The following CNTNAP2 variants were observed in gnomAD, a reference collection of about 807,000 sequenced individuals.
CNTNAP2 encodes contactin-associated protein-like 2.
A neutral mutation model predicts 155.2 loss-of-function variants in CNTNAP2; 98 were observed. That is an observed-to-expected ratio of 0.63 (90% confidence interval 0.54 to 0.75). The LOEUF is 0.75. Among genes scored for constraint, CNTNAP2 ranks in the 30% least tolerant of loss-of-function variants. The probability of loss-of-function intolerance (pLI) is 0.00; values close to 1 mark genes in which losing one functional copy is unlikely to be tolerated. For missense variants in CNTNAP2, 1,727 were observed against 1,688.1 expected (o/e 1.02, Z -0.40); for synonymous variants, 651 against 631.2 (o/e 1.03, Z -0.47).
intron 1 of CNTNAP2, among the ~76,000 whole-genome samples, chr7:146,523,047 G>A (rs1797637367): frequency 6.6e-6 from 1 of 151,780 alleles, no homozygotes; most frequent in Non-Finnish European, 1.5e-5. Flanking sequence ...TTGCTTACAT[G>A]AGTAAGTTCT....
intron 13 of CNTNAP2, among the ~76,000 whole-genome samples, chr7:147,842,657 A>G (rs1798771421): frequency 1.1e-5 from 1 of 93,332 alleles, no homozygotes; most frequent in African/African-American, 4.4e-5. Flanking sequence ...TTAGTTACAT[A>G]TGTATACATG....
chr7:147,948,843 T>C (rs1800868702), intron 14 of CNTNAP2, among the ~76,000 whole-genome samples: 1 of 152,062 alleles, frequency 6.6e-6, no homozygotes, highest in Non-Finnish European at 1.5e-5. Flanking sequence ...ACCACATATT[T>C]TGTATGTTAT....
At position 146,880,191 on chromosome 7, in the gene CNTNAP2, G is replaced by A. The variant is rs114937745; in HGVS notation, c.402+40287G>A. 2.5e-3 allele frequency among the ~76,000 whole-genome samples: 386 copies of A among 152,174 alleles called. 3 individuals carry two copies. Among genetic ancestry groups the A allele is most frequent in the African/African-American group, 8.6e-3 (356 of 41,528 alleles). ...GTTTATGTCCTCCACAAATTCACAT[G>A]TTGAAAGCCTAATACCTATTGCTAT... On this transcript the variant is annotated intron_variant, in intron 3 of 23. Transcript: ENST00000361727.
intron 9 of CNTNAP2, 26 bp downstream of exon 9, chr7:147,300,316 A>C: frequency 1.2e-6 from 2 of 1,613,434 alleles, no homozygotes; most frequent in African/African-American, 1.3e-5. Flanking sequence ...CTTTTTGGTT[A>C]CTAATCCATT....
Position 146,323,839 on chromosome 7 carries a change from G to A in CNTNAP2, c.97+206866G>A, listed in dbSNP as rs566962623. ...TAGAGTTCCTTATTTCATAATAAAT[G>A]CATCATTTATTAACATTGCTCCATT... On this transcript the variant is annotated intron_variant, in intron 1 of 23. Transcript: ENST00000361727. 6.6e-5 allele frequency among the ~76,000 whole-genome samples: 10 copies of A among 152,216 alleles called. 1 individual carries two copies. In the East Asian group the frequency reaches 9.7e-4, roughly 15 times the overall value.
intron 13 of CNTNAP2, among the ~76,000 whole-genome samples, chr7:147,725,427 C>G (rs10155998): frequency 0.081 from 12,308 of 152,074 alleles, 1,209 homozygotes; most frequent in African/African-American, 0.23. Context: ...CTTAATGCTT[C>G]AGAAATTGTT....
intron 1 of CNTNAP2, among the ~76,000 whole-genome samples, chr7:146,304,656 C>G (rs2129089071): frequency 6.6e-6 from 1 of 152,264 alleles, no homozygotes; most frequent in African/African-American, 2.4e-5. Flanking sequence ...GTCTCATGGG[C>G]TTCCCTTTGT....
At chr7:147,604,333 G>A (rs1182974894) in intron 12 of CNTNAP2, among the ~76,000 whole-genome samples, 1 of 151,964 alleles carries the variant, frequency 6.6e-6, no homozygotes, top group African/African-American at 2.4e-5. Flanking sequence ...ATCTGACAAA[G>A]GGCTAATATC....
At chr7:147,909,481 C>A (rs2116761442) in intron 14 of CNTNAP2, among the ~76,000 whole-genome samples, 1 of 152,258 alleles carries the variant, frequency 6.6e-6, no homozygotes, top group Non-Finnish European at 1.5e-5. Context: ...AACGAAGCTG[C>A]AATGGCCTGT....
At chr7:147,836,245 G>A (rs143037053) in intron 13 of CNTNAP2, among the ~76,000 whole-genome samples, 18 of 152,132 alleles carry the variant, frequency 1.2e-4, no homozygotes, top group South Asian at 4.2e-4. Flanking sequence ...CACACGTAAC[G>A]GCTCCCCTAA....
chr7:146,869,854 G>A (rs956980433), intron 3 of CNTNAP2, among the ~76,000 whole-genome samples: 13 of 152,092 alleles, frequency 8.5e-5, no homozygotes, highest in Non-Finnish European at 1.6e-4. Context: ...ATGTGGGTAC[G>A]TCTTCCTCTC....
chr7:147,910,389 C>A (rs1800040347), intron 14 of CNTNAP2, among the ~76,000 whole-genome samples: 1 of 152,088 alleles, frequency 6.6e-6, no homozygotes, highest in South Asian at 2.1e-4. Flanking sequence ...CATATTTTGT[C>A]TTTATTTTAG....
At chr7:147,175,533 C>A (rs1323201638) in intron 8 of CNTNAP2, among the ~76,000 whole-genome samples, 3 of 152,118 alleles carry the variant, frequency 2.0e-5, no homozygotes, top group Non-Finnish European at 2.9e-5. Context: ...AGAACCTGCC[C>A]TTCCCTCCCA....
chr7:147,143,272 G>A (rs1182510117), intron 8 of CNTNAP2, among the ~76,000 whole-genome samples: 1 of 152,064 alleles, frequency 6.6e-6, no homozygotes, highest in African/African-American at 2.4e-5. Context: ...ATTGAGTCAT[G>A]TTCCCATTCA....
chr7:147,115,232 T>C (rs1376026919), intron 5 of CNTNAP2, among the ~76,000 whole-genome samples: 1 of 152,192 alleles, frequency 6.6e-6, no homozygotes, highest in Non-Finnish European at 1.5e-5. Flanking sequence ...TCAGCCTTTC[T>C]CTCTGGCTGC....
At chr7:147,980,933 CAAAAAAAAAAAAAA>C (rs34927518) in intron 15 of CNTNAP2, among the ~76,000 whole-genome samples, 1 of 94,006 alleles carries the variant, frequency 1.1e-5, no homozygotes, top group Non-Finnish European at 1.9e-5. Context: ...TCCATCTTAA[CAAAAAAAAAAAAAA>C]AAAAAAAAAG....
At chr7:147,522,779 CA>C (rs1168470557) in intron 11 of CNTNAP2, among the ~76,000 whole-genome samples, 8 of 97,502 alleles carry the variant, frequency 8.2e-5, no homozygotes, top group Non-Finnish European at 1.4e-4. Flanking sequence ...AAAAAAAAAA[CA>C]AAAAAACAAA....
chr7:147,732,399 G>C (rs1370730554), intron 13 of CNTNAP2, among the ~76,000 whole-genome samples: 1 of 152,114 alleles, frequency 6.6e-6, no homozygotes, highest in African/African-American at 2.4e-5. Flanking sequence ...GTATTCCATG[G>C]TGTATATGTG....
At chr7:147,213,768 G>C (rs1259325727) in intron 8 of CNTNAP2, among the ~76,000 whole-genome samples, 1 of 152,066 alleles carries the variant, frequency 6.6e-6, no homozygotes, top group African/African-American at 2.4e-5. Context: ...TAAGTCCAAA[G>C]CCCCAGGAAC....
Sources: gnomAD v4.1 joint callset for allele counts (sites outside exome capture counted in the v4.1 genomes callset) on GRCh38, gnomAD v4.1.1 for gene constraint, MANE v1.5 for transcripts, NCBI Gene and HGNC (gene_info 2026-07-23, HGNC 2026-07-21) for gene names.